The following SNTG1 variants were observed in gnomAD, a reference collection of about 807,000 sequenced individuals.
SNTG1 encodes the protein gamma-1-syntrophin.
A neutral mutation model predicts 74.7 loss-of-function variants in SNTG1; 39 were observed. The observed-to-expected ratio is 0.52, with a 90% CI of 0.40 to 0.68. SNTG1 has a LOEUF of 0.68. Ranked by LOEUF, SNTG1 falls within the 30% of genes least tolerant of loss-of-function variation. The pLI is 0.00. For synonymous variants in SNTG1, 254 were observed against 217.1 expected (o/e 1.17, Z -1.49); for missense variants, 685 against 609.5 (o/e 1.12, Z -1.30).
intron 1 of SNTG1, among the ~76,000 whole-genome samples, chr8:50,045,968 G>A (rs771338509): frequency 2.0e-5 from 3 of 152,180 alleles, no homozygotes; most frequent in Non-Finnish European, 4.4e-5. Flanking sequence ...AATGGCCAAA[G>A]AGTAGAGTTC....
intron 2 of SNTG1, among the ~76,000 whole-genome samples, chr8:50,297,132 AT>A (rs1353461295): frequency 6.6e-6 from 1 of 152,194 alleles, no homozygotes; most frequent in African/African-American, 2.4e-5. Flanking sequence ...AATGGGAAAC[AT>A]TTGACCAATG....
At chr8:50,440,542 T>A (rs537445125) in intron 5 of SNTG1, among the ~76,000 whole-genome samples, 5 of 152,308 alleles carry the variant, frequency 3.3e-5, no homozygotes, top group South Asian at 4.1e-4. Flanking sequence ...TAAACTTTTT[T>A]AAAAATATCA....
intron 12 of SNTG1, among the ~76,000 whole-genome samples, chr8:50,579,978 C>A (rs138342606): frequency 9.9e-5 from 15 of 152,138 alleles, no homozygotes; most frequent in African/African-American, 3.6e-4. Context: ...CGGCTTGCAC[C>A]GTGTGCTGGG....
At chr8:50,600,269 A>C (rs766798610) in intron 13 of SNTG1, among the ~76,000 whole-genome samples, 1 of 151,738 alleles carries the variant, frequency 6.6e-6, no homozygotes, top group African/African-American at 2.4e-5. Context: ...TTTTTTTCAG[A>C]TATGCCTTTG....
At chr8:49,983,456 T>C (rs1018964947) in intron 1 of SNTG1, among the ~76,000 whole-genome samples, 4 of 152,258 alleles carry the variant, frequency 2.6e-5, no homozygotes, top group African/African-American at 9.6e-5. Context: ...GTGAATTTTA[T>C]ATATTTAAAT....
chr8:50,304,642 T>TA (rs1329928854), intron 2 of SNTG1, among the ~76,000 whole-genome samples: 3 of 151,974 alleles, frequency 2.0e-5, no homozygotes, highest in Non-Finnish European at 4.4e-5. Flanking sequence ...AAAAAGTATT[T>TA]AAAAAAAACT....
At chr8:50,627,413 T>C (rs2094963719) in intron 13 of SNTG1, among the ~76,000 whole-genome samples, 1 of 152,212 alleles carries the variant, frequency 6.6e-6, no homozygotes, top group Non-Finnish European at 1.5e-5. Flanking sequence ...AGAGTGTTCC[T>C]TTTCTATGGA....
chr8:50,086,860 A>G (rs1014694508), intron 1 of SNTG1, among the ~76,000 whole-genome samples: 1 of 152,220 alleles, frequency 6.6e-6, no homozygotes, highest in African/African-American at 2.4e-5. Flanking sequence ...TATCTGCTTA[A>G]AAAGCACCAA....
chr8:50,558,222 C>T (rs921535546), intron 12 of SNTG1, among the ~76,000 whole-genome samples: 4 of 152,198 alleles, frequency 2.6e-5, no homozygotes, highest in Non-Finnish European at 5.9e-5. Flanking sequence ...GCTGGCCCGG[C>T]TGCCCCAGGC....
chr8:50,669,803 G>A (rs1306539745), intron 15 of SNTG1, among the ~76,000 whole-genome samples: 1 of 152,232 alleles, frequency 6.6e-6, no homozygotes, highest in East Asian at 1.9e-4. Context: ...TAAAATACTG[G>A]CAAACCAAAT....
chr8:50,184,619 A>G (rs1171004057), intron 2 of SNTG1, among the ~76,000 whole-genome samples: 2 of 152,174 alleles, frequency 1.3e-5, no homozygotes, highest in Non-Finnish European at 2.9e-5. Context: ...CTTTGAAACT[A>G]TTACAAATAG....
At chr8:50,566,527 TAG>T (rs2094517579) in intron 12 of SNTG1, among the ~76,000 whole-genome samples, 1 of 151,904 alleles carries the variant, frequency 6.6e-6, no homozygotes, top group Non-Finnish European at 1.5e-5. Flanking sequence ...TGAAATATAG[TAG>T]GAAAAACAAA....
rs1043503871 is a variant in SNTG1, at chr8:50,264,826, T to C, written c.-28+92191T>C. Among the ~76,000 whole-genome samples the C allele has an allele frequency of 3.9e-5, 6 of 152,068 alleles. No individual in the cohort carries two copies. The East Asian group carries it at 9.7e-4, about 25-fold the overall frequency. ...ATCATTACTGAGCTTGCAGAATTAATGAAGAAGGTAAGAGAATACTATAAA... is the reference window on the plus strand; with the variant it reads ...ATCATTACTGAGCTTGCAGAATTAACGAAGAAGGTAAGAGAATACTATAAA... On this transcript the variant is annotated intron_variant, in intron 2 of 18. Transcript: ENST00000642720.
At chr8:50,509,811 T>G (rs190200566) in intron 9 of SNTG1, among the ~76,000 whole-genome samples, 93 of 152,228 alleles carry the variant, frequency 6.1e-4, no homozygotes, top group African/African-American at 2.0e-3. Context: ...TTAAGGAGAT[T>G]TTGGGCTGAG....
At chr8:50,545,924 T>C (rs1037000729) in intron 11 of SNTG1, among the ~76,000 whole-genome samples, 9 of 152,138 alleles carry the variant, frequency 5.9e-5, no homozygotes, top group African/African-American at 2.2e-4. Context: ...AAGCGAAATA[T>C]GAATCTGACT....
intron 1 of SNTG1, among the ~76,000 whole-genome samples, chr8:50,098,099 A>G (rs1193104050): frequency 6.6e-6 from 1 of 152,208 alleles, no homozygotes; most frequent in Non-Finnish European, 1.5e-5. Flanking sequence ...ATTAAAACAT[A>G]GCTCAACTCC....
At chr8:50,604,825 C>T (rs1344181201) in intron 13 of SNTG1, among the ~76,000 whole-genome samples, 2 of 152,152 alleles carry the variant, frequency 1.3e-5, no homozygotes, top group East Asian at 3.9e-4. Context: ...TTCTTTCACC[C>T]TAGTCACAAC....
chr8:50,231,452 T>C (rs2085619526), intron 2 of SNTG1, among the ~76,000 whole-genome samples: 1 of 151,510 alleles, frequency 6.6e-6, no homozygotes, highest in Non-Finnish European at 1.5e-5. Flanking sequence ...TCCAGCACTG[T>C]TCAAAATAAC....
rs143494467 is a variant in SNTG1, at chr8:50,619,285, A to C, written c.849+28368A>C. Among the ~76,000 whole-genome samples, 407 of 152,316 alleles carry C rather than the reference A, an allele frequency of 2.7e-3. 1 individual carries two copies. The highest frequency in any genetic ancestry group is 9.2e-3 in the African/African-American group (381 of 41,566). ...TAATTTTTATGATAGTAATAGCAAA[A>C]TTAGATTCAGAAAGGGTGCTTACAC... On this transcript the variant is annotated intron_variant, in intron 13 of 18. Transcript: ENST00000642720.
Sources: gnomAD v4.1 joint callset for allele counts (sites outside exome capture counted in the v4.1 genomes callset) on GRCh38, gnomAD v4.1.1 for gene constraint, MANE v1.5 for transcripts, NCBI Gene and HGNC (gene_info 2026-07-23, HGNC 2026-07-21) for gene names.